FNDC3A: variants seen among roughly 807,000 people sequenced by gnomAD.
FNDC3A encodes fibronectin type III domain containing 3A, also known as fibronectin type-III domain-containing protein 3A.
In FNDC3A, 32 loss-of-function variants were observed where a neutral mutation model predicts 148.9. The observed-to-expected ratio is 0.21, with a 90% CI of 0.16 to 0.29. The LOEUF (loss-of-function observed/expected upper bound fraction) is 0.29, where lower values mean the gene tolerates loss of function less well. Among genes scored for constraint, FNDC3A ranks in the 10% least tolerant of loss-of-function variants. The pLI is 1.00. For synonymous variants in FNDC3A, 472 were observed against 473.6 expected (o/e 1.00, Z 0.04); for missense variants, 1,191 against 1,452.8 (o/e 0.82, Z 2.93).
upstream of FNDC3A, chr13:48,975,424 G>A (rs1951581083): frequency 3.9e-5 from 6 of 152,200 alleles, no homozygotes; most frequent in Admixed American, 3.9e-4. Context: ...TTGCTATCCA[G>A]ATCCTGGGTT....
chr13:49,025,763 A>G (rs975659412), intron 2 of FNDC3A, among the ~76,000 whole-genome samples: 1 of 152,170 alleles, frequency 6.6e-6, no homozygotes, highest in Non-Finnish European at 1.5e-5. Context: ...TAAAACCTTA[A>G]TGAGATTGTA....
At chr13:49,175,233 C>A in intron 12 of FNDC3A, 134 bp from the exon 13 acceptor site, 5 of 546,754 alleles carry the variant, frequency 9.1e-6, no homozygotes, top group Non-Finnish European at 1.5e-5. Flanking sequence ...GAGATCAAAC[C>A]CAAGATATAT....
chr13:49,060,499 C>A (rs1197415272), intron 2 of FNDC3A, among the ~76,000 whole-genome samples: 1 of 151,900 alleles, frequency 6.6e-6, no homozygotes, highest in African/African-American at 2.4e-5. Context: ...TAAAAATTAG[C>A]CAGGTGTGGT....
At position 49,168,625 on chromosome 13, in the gene FNDC3A, A is replaced by G. The variant is rs1234793812; in HGVS notation, c.1050A>G (p.Glu350=). Residue 350 remains glutamate, a synonymous_variant, in exon 10 of 26, where the codon GAA becomes GAG. Transcript: ENST00000492622. ...AMDYHAKVQA[E]YNSIKGTPSE... Reference sequence around the variant, plus strand: ...TTTATCACCATAGAGTCCAGGCAGAATATAATTCTATAAAGGGAACTCCTT... The same window carrying G: ...TTTATCACCATAGAGTCCAGGCAGAGTATAATTCTATAAAGGGAACTCCTT... The G allele has an allele frequency of 1.2e-6, 2 of 1,609,908 alleles. No homozygotes were observed. Among genetic ancestry groups the G allele is most frequent in the Admixed American group, 1.7e-5 (1 of 60,014 alleles).
intron 4 of FNDC3A, among the ~76,000 whole-genome samples, chr13:49,117,849 C>T (rs1322555443): frequency 6.6e-6 from 1 of 152,142 alleles, no homozygotes; most frequent in Non-Finnish European, 1.5e-5. Flanking sequence ...CCATGCATAC[C>T]AAGGGACAAC....
chr13:49,152,355 G>C (rs978580168), intron 8 of FNDC3A, among the ~76,000 whole-genome samples: 1 of 152,102 alleles, frequency 6.6e-6, no homozygotes, highest in Non-Finnish European at 1.5e-5. Flanking sequence ...TCATGTGTCT[G>C]TTGGCTGCAT....
intron 2 of FNDC3A, among the ~76,000 whole-genome samples, chr13:49,073,674 C>T (rs994995960): frequency 2.7e-5 from 4 of 145,768 alleles, no homozygotes; most frequent in Admixed American, 1.4e-4. Flanking sequence ...TATATATATA[C>T]ACACATATAT....
chr13:49,166,173 A>T (rs1223511447), intron 8 of FNDC3A, among the ~76,000 whole-genome samples: 1 of 152,214 alleles, frequency 6.6e-6, no homozygotes, highest in South Asian at 2.1e-4. Flanking sequence ...GGCAACAGCT[A>T]TATGCAGGCT....
intron 4 of FNDC3A, among the ~76,000 whole-genome samples, chr13:49,115,912 A>G (rs748899471): frequency 6.6e-6 from 1 of 152,196 alleles, no homozygotes; most frequent in Non-Finnish European, 1.5e-5. Flanking sequence ...AAGATTTACT[A>G]CAGATTTCCT....
At chr13:48,979,067 A>G (rs1436283189) in intron 1 of FNDC3A, among the ~76,000 whole-genome samples, 1 of 152,064 alleles carries the variant, frequency 6.6e-6, no homozygotes, top group African/African-American at 2.4e-5. Context: ...GTGGTCTTCC[A>G]TCAAGTTCCT....
In FNDC3A at chr13:49,206,702, G is replaced by A. The variant is rs1438880936; in HGVS notation, c.3283-379G>A. Among the ~76,000 whole-genome samples the A allele has an allele frequency of 8.5e-5, 13 of 152,242 alleles. No homozygotes were observed. In the East Asian group the frequency reaches 1.2e-3, roughly 14 times the overall value. The stretch of plus-strand genomic sequence containing the variant: ...TTATCAGTTATACAAAGACATAATG[G>A]GGGAAGCAAAAGTAGACACTATCCC... On this transcript the variant is annotated intron_variant, in intron 25 of 25. Coordinates refer to ENST00000492622, the MANE Select transcript of FNDC3A (RefSeq NM_001079673.2).
At chr13:49,140,406 T>C (rs571725565) in intron 7 of FNDC3A, among the ~76,000 whole-genome samples, 3 of 152,302 alleles carry the variant, frequency 2.0e-5, no homozygotes, top group Admixed American at 2.0e-4. Context: ...AAAGACTTTC[T>C]TACTCAACAT....
intron 1 of FNDC3A, among the ~76,000 whole-genome samples, chr13:48,981,594 T>A (rs141277503): frequency 6.6e-6 from 1 of 152,230 alleles, no homozygotes; most frequent in Non-Finnish European, 1.5e-5. Flanking sequence ...CTATACTTGC[T>A]TATTTTTAAA....
chr13:49,198,805 G>T, intron 23 of FNDC3A, among the ~76,000 whole-genome samples: 1 of 152,106 alleles, frequency 6.6e-6, no homozygotes, highest in East Asian at 1.9e-4. Context: ...TTTCAAAAAC[G>T]AAGTCAAGAT....
chr13:48,978,768 G>C (rs931368383), intron 1 of FNDC3A, among the ~76,000 whole-genome samples: 1 of 151,974 alleles, frequency 6.6e-6, no homozygotes, highest in Non-Finnish European at 1.5e-5. Context: ...ATTCCATTGA[G>C]CCTTTTACTG....
At chr13:49,187,605 G>A (rs968653206) in intron 16 of FNDC3A, 4 of 1,607,018 alleles carry the variant, frequency 2.5e-6, no homozygotes, top group Non-Finnish European at 2.6e-6. Context: ...TCTTCCCAGG[G>A]CCCTCCTCAC....
chr13:49,134,461 T>G (rs1016818932), intron 5 of FNDC3A, among the ~76,000 whole-genome samples: 3 of 152,240 alleles, frequency 2.0e-5, no homozygotes, highest in African/African-American at 7.2e-5. Context: ...TTGGGTTGTT[T>G]TCACTTTTTG....
At chr13:49,086,130 C>A (rs964871660) in intron 3 of FNDC3A, among the ~76,000 whole-genome samples, 1 of 152,190 alleles carries the variant, frequency 6.6e-6, no homozygotes, top group African/African-American at 2.4e-5. Flanking sequence ...GATCCACCCG[C>A]CTCAGCCTCC....
At chr13:49,011,889 G>A (rs1353446398) in intron 2 of FNDC3A, among the ~76,000 whole-genome samples, 5 of 152,096 alleles carry the variant, frequency 3.3e-5, no homozygotes, top group Non-Finnish European at 5.9e-5. Flanking sequence ...CTATACTTTC[G>A]CGTTGAACAT....
Sources: gnomAD v4.1 joint callset for allele counts (sites outside exome capture counted in the v4.1 genomes callset) on GRCh38, gnomAD v4.1.1 for gene constraint, MANE v1.5 for transcripts, NCBI Gene and HGNC (gene_info 2026-07-23, HGNC 2026-07-21) for gene names.